The following TSC1 variants were observed in gnomAD, a reference collection of about 807,000 sequenced individuals.
TSC1 encodes TSC complex subunit 1.
In TSC1, 20 loss-of-function variants were observed where a neutral mutation model predicts 124.3. The observed-to-expected ratio is 0.16, with a 90% CI of 0.11 to 0.23. The LOEUF is 0.23. Among genes scored for constraint, TSC1 ranks in the 10% least tolerant of loss-of-function variants. The pLI is 1.00. For synonymous variants in TSC1, 493 were observed against 539.1 expected (o/e 0.91, Z 1.19); for missense variants, 1,124 against 1,448.5 (o/e 0.78, Z 3.64).
Position 132,903,645 on chromosome 9 carries a change from C to T in TSC1, c.2208+6G>A. On this transcript the variant is annotated splice_donor_region_variant and intron_variant, in intron 17 of 22. Transcript: ENST00000298552. This position sits in a 1 kb window ranked among gnomAD's most constrained non-coding sequence, Gnocchi z 5.9. ...AAGCTCCACCTGTCCCCTCCCCAGTCCTCACCATGGCAGCATTATGTTCCT... is the reference window on the plus strand; with the variant it reads ...AAGCTCCACCTGTCCCCTCCCCAGTTCTCACCATGGCAGCATTATGTTCCT... The T allele has an allele frequency of 6.2e-7, 1 of 1,612,148 alleles. No individual in the cohort carries two copies. The highest frequency in any genetic ancestry group is 8.5e-7 in the Non-Finnish European group (1 of 1,179,858).
rs1554817122 is a variant in TSC1, at chr9:132,910,611, T to C, written c.1223A>G (p.His408Arg). The change falls in exon 12 of 23, where the codon CAC becomes CGC. Residue 408 changes from histidine to arginine, a missense_variant. His to Arg is a conservative substitution (Grantham distance 29). Coordinates refer to ENST00000298552, the MANE Select transcript of TSC1 (RefSeq NM_000368.5). Reference protein sequence around the residue: ...APLCHSDDYVHISLPQATVTP... With the variant: ...APLCHSDDYVRISLPQATVTP... Reference sequence around the variant, plus strand: ...GACTGTGGCCTGGGGGAGTGAAATGTGCACGTAGTCATCCGAATGACAGAG... The same window carrying C: ...GACTGTGGCCTGGGGGAGTGAAATGCGCACGTAGTCATCCGAATGACAGAG... 1 of 1,614,104 alleles carries C rather than the reference T, an allele frequency of 6.2e-7. No homozygotes were observed. The highest frequency in any genetic ancestry group is 8.5e-7 in the Non-Finnish European group (1 of 1,180,036).
chr9:132,939,337 ATGGTAAAACC>A (rs1350542444), intron 1 of TSC1: 1 of 152,228 alleles, frequency 6.6e-6, no homozygotes, highest in Admixed American at 6.5e-5. Flanking sequence ...AAAACAGCTG[ATGGTAAAACC>A]TGCCAACATG....
In TSC1 at chr9:132,894,745, G is replaced by A. The variant is rs536391268; in HGVS notation, c.*1490C>T. The A allele has an allele frequency of 4.2e-5, 9 of 213,878 alleles. No individual in the cohort carries two copies. Among genetic ancestry groups the A allele is most frequent in the South Asian group, 1.9e-4 (1 of 5,224 alleles). 13.2% of individuals were successfully genotyped at this position (213,878 alleles called of 1,614,324 possible). A position where few individuals can be genotyped will look rare whatever the true frequency, so the allele number is the denominator to read the frequency against. Reference sequence around the variant, plus strand: ...TTCATTCTCTCTGCTCGAGGCCTCCGTGGGCACTAAGATTTCGTACCGTGA... The same window carrying A: ...TTCATTCTCTCTGCTCGAGGCCTCCATGGGCACTAAGATTTCGTACCGTGA... On this transcript the variant is annotated 3_prime_UTR_variant, in exon 23 of 23. Coordinates refer to ENST00000298552, the MANE Select transcript of TSC1 (RefSeq NM_000368.5).
intron 1 of TSC1, chr9:132,942,297 G>A (rs1404159809): frequency 6.6e-6 from 1 of 152,216 alleles, no homozygotes; most frequent in East Asian, 1.9e-4. Context: ...ATAAGAATCA[G>A]TCTTCTTCCA....
chr9:132,903,851 G>A lies in TSC1; in HGVS notation c.2042-34C>T, dbSNP rs371286463. 98 of 1,612,354 alleles carry A rather than the reference G, an allele frequency of 6.1e-5. No homozygotes were observed. Among genetic ancestry groups the A allele is most frequent in the Non-Finnish European group, 8.1e-5 (95 of 1,179,618 alleles). ...AAAGCAGAGGGAGGGTGGCAGAAAT[G>A]CCTTTTACAGATGGTTCAATCAAGC... On this transcript the variant is annotated intron_variant, in intron 16 of 22. Transcript: ENST00000298552. The surrounding 1 kb of genome is among the most constrained non-coding windows in gnomAD (Gnocchi z 5.9).
rs1251149647 is a variant in TSC1 at position 132,897,618 on chromosome 9, A to AAC, written c.2626-9_2626-8insGT. The AAC allele has an allele frequency of 4.5e-6, 7 of 1,557,428 alleles. No homozygotes were observed. The highest frequency in any genetic ancestry group is 6.1e-6 in the Non-Finnish European group (7 of 1,155,312). ...TTTCATCATTTCTACTTCCTGAAAA[A>AAC]AAAAAAAAAAAAAGACTGGAATTAG... On this transcript the variant is annotated splice_polypyrimidine_tract_variant and intron_variant, in intron 20 of 22. Coordinates refer to ENST00000298552, the MANE Select transcript of TSC1 (RefSeq NM_000368.5).
rs1845760005 is a variant in TSC1, at chr9:132,908,010, C to T, written c.1264-640G>A. ...GCTGAGGTGGGAGGACCACCTGAGC[C>T]AGGGAGGTCAAGGCTGCAGAGAGCT... On this transcript the variant is annotated intron_variant, in intron 12 of 22. Coordinates refer to ENST00000298552, the MANE Select transcript of TSC1 (RefSeq NM_000368.5). 6.6e-5 allele frequency among the ~76,000 whole-genome samples: 10 copies of T among 152,150 alleles called. No homozygotes were observed. In the South Asian group the frequency reaches 1.9e-3, roughly 28 times the overall value.
chr9:132,917,633 T>A (rs1424395811), intron 8 of TSC1, among the ~76,000 whole-genome samples: 1 of 152,160 alleles, frequency 6.6e-6, no homozygotes, highest in Non-Finnish European at 1.5e-5. Flanking sequence ...CACCCGGCTC[T>A]TCTTTAAAAA....
chr9:132,926,968 G>C (rs956248377), intron 4 of TSC1: 1 of 490,414 alleles, frequency 2.0e-6, no homozygotes, highest in African/African-American at 2.0e-5. Context: ...CACCACACCC[G>C]GCCCAAACAA....
At chr9:132,914,385 AC>A (rs1564492004) in intron 8 of TSC1, among the ~76,000 whole-genome samples, 1 of 152,052 alleles carries the variant, frequency 6.6e-6, no homozygotes, top group South Asian at 2.1e-4. Context: ...CTATTATTAC[AC>A]CCCCTGAAAA....
Position 132,903,695 on chromosome 9 carries a change from T to G in TSC1, c.2164A>C (p.Lys722Gln). 3.7e-6 allele frequency: 6 copies of G among 1,612,892 alleles called. No individual in the cohort carries two copies. The highest frequency in any genetic ancestry group is 5.1e-6 in the Non-Finnish European group (6 of 1,180,028). ...TCCAGAGCTGCTGCTTTGATCACCTTGCGGAGGAGCCGCCTGTTCCGGAGG... is the reference window on the plus strand; with the variant it reads ...TCCAGAGCTGCTGCTTTGATCACCTGGCGGAGGAGCCGCCTGTTCCGGAGG... ...HALRNRRLLR[K>Q]VIKAAALEEH... Residue 722 changes from lysine (K) to glutamine (Q), a missense_variant, in exon 17 of 23, where the codon AAG becomes CAG. By Grantham distance (53) the Lys-to-Gln change is moderately conservative. Coordinates refer to ENST00000298552, the MANE Select transcript of TSC1 (RefSeq NM_000368.5). The surrounding 1 kb of genome is among the most constrained non-coding windows in gnomAD (Gnocchi z 5.9).
rs1041036417 is a variant in TSC1 at position 132,896,061 on chromosome 9, A to G, written c.*174T>C. On this transcript the variant is annotated 3_prime_UTR_variant, in exon 23 of 23. Coordinates refer to ENST00000298552, the MANE Select transcript of TSC1 (RefSeq NM_000368.5). The surrounding 1 kb of genome is among the most constrained non-coding windows in gnomAD (Gnocchi z 4.5). ...GAGGGGAAGGTCAAGAGGCATTTCA[A>G]TGCCAGATCCAAAAACCGTTCTGCA... is the stretch of plus-strand genomic sequence containing the variant. The G allele has an allele frequency of 2.2e-6, 2 of 921,306 alleles. No homozygotes were observed. Among genetic ancestry groups the G allele is most frequent in the Non-Finnish European group, 3.4e-6 (2 of 583,070 alleles). 57.1% of individuals were successfully genotyped at this position (921,306 alleles called of 1,614,324 possible). A position where few individuals can be genotyped will look rare whatever the true frequency, so the allele number is the denominator to read the frequency against.
chr9:132,901,528 G>A (rs1408742883), intron 19 of TSC1, 61 bp downstream of exon 19: 8 of 1,451,690 alleles, frequency 5.5e-6, no homozygotes, highest in Non-Finnish European at 7.7e-6. Context: ...TAACCTGTCT[G>A]AAGGAAGAAT....
intron 8 of TSC1, among the ~76,000 whole-genome samples, chr9:132,920,960 G>A (rs183033212): frequency 1.3e-5 from 2 of 151,536 alleles, no homozygotes; most frequent in Non-Finnish European, 2.9e-5. Flanking sequence ...AGGACCTCAG[G>A]GACTCCAAAT....
rs1588350708 is a variant in TSC1 at position 132,923,453 on chromosome 9, C to G, written c.403G>C (p.Val135Leu). ...ATCATTGGTAGCATGGTTATCAACA[C>G]CAAGACGCCTGTTGTGAGGACAACG... ...DVVVLTTGVL[V>L]LITMLPMIPQ... The change falls in exon 6 of 23, where the codon GTG becomes CTG. Residue 135 changes from valine to leucine, a missense_variant. This residue lies in a region of TSC1 where 463 missense variants were observed against 606.8 expected (regional missense o/e 0.76). Coordinates refer to ENST00000298552, the MANE Select transcript of TSC1 (RefSeq NM_000368.5). This position sits in a 1 kb window ranked among gnomAD's most constrained non-coding sequence, Gnocchi z 4.2. The G allele has an allele frequency of 1.2e-6, 2 of 1,614,140 alleles. No homozygotes were observed. Among genetic ancestry groups the G allele is most frequent in the Non-Finnish European group, 1.7e-6 (2 of 1,179,992 alleles).
At chr9:132,912,048 C>A (rs946808763) in intron 9 of TSC1, among the ~76,000 whole-genome samples, 53 of 152,240 alleles carry the variant, frequency 3.5e-4, no homozygotes, top group African/African-American at 1.3e-3. Context: ...GTGTTGGAGA[C>A]ACGTCACCAA....
Position 132,912,415 on chromosome 9 carries a change from G to C in TSC1, c.780C>G (p.Ala260=), listed in dbSNP as rs2132003938. ...LETHDVVIEC[A]KISLDPTEAS... is the part of the protein sequence containing the mutation. ...CTTCTGTGGGATCCAGAGAGATTTT[G>C]GCACACTCGATCACAACATCATGAG... Residue 260 remains alanine, a synonymous_variant, in exon 9 of 23, where the codon GCC becomes GCG. Coordinates refer to ENST00000298552, the MANE Select transcript of TSC1 (RefSeq NM_000368.5). 1 of 1,614,136 alleles carries C rather than the reference G, an allele frequency of 6.2e-7. No homozygotes were observed. Among genetic ancestry groups the C allele is most frequent in the Non-Finnish European group, 8.5e-7 (1 of 1,180,024 alleles).
At chr9:132,934,238 G>A (rs1370909628) in intron 2 of TSC1, among the ~76,000 whole-genome samples, 5 of 152,180 alleles carry the variant, frequency 3.3e-5, no homozygotes, top group African/African-American at 1.2e-4. Flanking sequence ...ACACAGCTCT[G>A]TTGCGCTTGG....
Position 132,905,759 on chromosome 9 carries a change from G to A in TSC1, c.1819C>T (p.Leu607Phe), listed in dbSNP as rs1554815795. Residue 607 changes from leucine to phenylalanine, a missense_variant, in exon 15 of 23, where the codon CTT (leucine) becomes TTT (phenylalanine). Around this residue, in one of 5 missense-constraint regions of TSC1, gnomAD observed 321 missense variants for 397.4 expected, o/e 0.81. Coordinates refer to ENST00000298552, the MANE Select transcript of TSC1 (RefSeq NM_000368.5). ...GSGQPPPYDH[L>F]FEVALPKTAH... is the part of the protein sequence containing the mutation. ...GTCTTTGGCAATGCCACCTCAAAAAGATGATCATACGGGGGAGGCTGCCCG... is the reference window on the plus strand; with the variant it reads ...GTCTTTGGCAATGCCACCTCAAAAAAATGATCATACGGGGGAGGCTGCCCG... 1.1e-5 allele frequency: 18 copies of A among 1,614,216 alleles called. No individual in the cohort carries two copies. Among genetic ancestry groups the A allele is most frequent in the Non-Finnish European group, 1.4e-5 (16 of 1,180,036 alleles).
Sources: gnomAD v4.1 joint callset for allele counts (sites outside exome capture counted in the v4.1 genomes callset) on GRCh38, gnomAD v4.1.1 for gene constraint, gnomAD v4.1.1 regional missense constraint, Gnocchi (gnomAD v3.1) non-coding constraint, MANE v1.5 for transcripts, NCBI Gene and HGNC (gene_info 2026-07-23, HGNC 2026-07-21) for gene names.